Variants in PI4KB observed in about 807,000 individuals in gnomAD.
PI4KB encodes phosphatidylinositol 4-kinase beta.
Under a neutral mutation model 81.4 loss-of-function variants are expected in PI4KB, and 23 were observed. The observed-to-expected ratio is 0.28, with a 90% confidence interval of 0.20 to 0.40. The LOEUF is 0.40. Ranked by LOEUF, PI4KB falls within the 10% of genes least tolerant of loss-of-function variation. The pLI, the probability that PI4KB is intolerant of heterozygous loss-of-function variation, is 1.00. For synonymous variants in PI4KB, 381 were observed against 406.8 expected (o/e 0.94, Z 0.76); for missense variants, 651 against 1,036.6 (o/e 0.63, Z 5.11).
chr1:151,293,478 A>G, intron 11 of PI4KB: 1 of 1,102,188 alleles, frequency 9.1e-7, no homozygotes, highest in South Asian at 1.6e-5. Flanking sequence ...GGGTAGGGGC[A>G]GGAATGGGGA....
intron 1 of PI4KB, among the ~76,000 whole-genome samples, chr1:151,322,558 G>A (rs1341097503): frequency 6.6e-6 from 1 of 151,946 alleles, no homozygotes; most frequent in African/African-American, 2.4e-5. Context: ...TTTTTTCCAT[G>A]GACTAGATAA....
At chr1:151,293,091 G>C in intron 11 of PI4KB, 58 bp from the exon 12 acceptor site, 3 of 1,590,824 alleles carry the variant, frequency 1.9e-6, no homozygotes, top group Non-Finnish European at 2.6e-6. Flanking sequence ...AGTGGTGTCA[G>C]CCATAGCAAA....
In PI4KB at chr1:151,327,379, C is replaced by T. The variant is rs1649815735; in HGVS notation, c.-137G>A. 2 of 398,074 alleles carry T rather than the reference C, an allele frequency of 5.0e-6. No individual in the cohort carries two copies. Among genetic ancestry groups the T allele is most frequent in the Non-Finnish European group, 8.9e-6 (2 of 225,650 alleles). 24.7% of individuals were successfully genotyped at this position (398,074 alleles called of 1,614,324 possible). On this transcript the variant is annotated 5_prime_UTR_variant, in exon 1 of 12. Transcript: ENST00000368873. ...GGGTTCCATTGGCCGCCTGCGCTTC[C>T]CTGACAGCGGCCGCGGAGGCTGCAC...
chr1:151,302,504 G>T (rs778934284), intron 6 of PI4KB, among the ~76,000 whole-genome samples: 1 of 151,628 alleles, frequency 6.6e-6, no homozygotes, highest in Non-Finnish European at 1.5e-5. Context: ...AGATTACCAG[G>T]CCCTCCATAT....
At chr1:151,299,488 CCT>C (rs1695074220) in intron 8 of PI4KB, among the ~76,000 whole-genome samples, 2 of 152,110 alleles carry the variant, frequency 1.3e-5, no homozygotes, top group African/African-American at 4.8e-5. Flanking sequence ...TCAAGACCAG[CCT>C]GGCCAACCTC....
intron 5 of PI4KB, 51 bp from the exon 6 acceptor site, chr1:151,303,701 C>T (rs1695497073): frequency 8.9e-7 from 1 of 1,124,054 alleles, no homozygotes. Context: ...GGTCTCCCGT[C>T]TTTCCCCTCC....
rs748306344 is a variant in PI4KB at position 151,303,654 on chromosome 1, G to A, written c.1411-4C>T. 6 of 1,595,190 alleles carry A rather than the reference G, an allele frequency of 3.8e-6. No homozygotes were observed. The Admixed American group carries it at 6.7e-5, about 18-fold the overall frequency. On this transcript the variant is annotated splice_polypyrimidine_tract_variant and splice_region_variant and intron_variant, in intron 5 of 11. Transcript: ENST00000368873. ...TGTTGGTATGCACTTCGGGGAGCTG[G>A]AGAAAGGGGAGTGCTGGTCAGAAGT...
At chr1:151,297,389 TAAA>T (rs1217389205) in intron 9 of PI4KB, among the ~76,000 whole-genome samples, 86,225 of 146,716 alleles carry the variant, frequency 0.59, 25,990 homozygotes, top group Non-Finnish European at 0.65. Context: ...TTGCCCAGAC[TAAA>T]GTACTGTGGC....
chr1:151,298,097 GA>G (rs1218980509), intron 9 of PI4KB, among the ~76,000 whole-genome samples: 1 of 151,824 alleles, frequency 6.6e-6, no homozygotes, highest in Non-Finnish European at 1.5e-5. Flanking sequence ...ATGTCATATT[GA>G]AAAAAAATGA....
intron 1 of PI4KB, among the ~76,000 whole-genome samples, chr1:151,322,026 C>A (rs1040079496): frequency 1.4e-4 from 22 of 152,064 alleles, no homozygotes; most frequent in African/African-American, 5.3e-4. Flanking sequence ...GGAAGACAAT[C>A]TAAATTTTTA....
intron 5 of PI4KB, 57 bp downstream of exon 5, chr1:151,306,079 G>T: frequency 7.1e-7 from 1 of 1,403,152 alleles, no homozygotes; most frequent in Non-Finnish European, 1.0e-6. Context: ...CCAATATAGT[G>T]AAAGCTCCTG....
rs1310399998 is a variant in PI4KB at position 151,315,717 on chromosome 1, G to A, written c.765C>T (p.Pro255=). The change falls in exon 2 of 12, where the codon CCC becomes CCT. Residue 255 remains proline, a synonymous_variant. Transcript: ENST00000368873. ...CTGTGTCAGGGGCCGGGCTCAAGGA[G>A]GGCAGCTCCCTCTTCCTGTGAGCTG... ...LKPAHRKREL[P]SLSPAPDTGL... The A allele has an allele frequency of 1.2e-6, 2 of 1,614,124 alleles. No homozygotes were observed. Among genetic ancestry groups the A allele is most frequent in the East Asian group, 2.2e-5 (1 of 44,882 alleles).
intron 2 of PI4KB, among the ~76,000 whole-genome samples, chr1:151,312,140 A>C (rs954664288): frequency 2.0e-5 from 3 of 152,216 alleles, no homozygotes; most frequent in African/African-American, 4.8e-5. Flanking sequence ...TGTGGGAGAG[A>C]GTGTAAAGGA....
chr1:151,304,038 C>G (rs901900338), intron 5 of PI4KB, among the ~76,000 whole-genome samples: 1 of 152,208 alleles, frequency 6.6e-6, no homozygotes, highest in East Asian at 1.9e-4. Context: ...GGGATGCGTT[C>G]TCCCCTAGGG....
At position 151,292,326 on chromosome 1, in the gene PI4KB, G is replaced by A. The variant is rs1430786091; in HGVS notation, c.*526C>T. On this transcript the variant is annotated 3_prime_UTR_variant, in exon 12 of 12. Coordinates refer to ENST00000368873, the MANE Select transcript of PI4KB (RefSeq NM_001369623.2). The stretch of plus-strand genomic sequence containing the variant: ...TCAGCAAGTGCAGGGCCCACGCAGC[G>A]CCCGCCAGCAAGGGGAGCTTGGGCC... 2.6e-5 allele frequency: 4 copies of A among 156,238 alleles called. No homozygotes were observed. The highest frequency in any genetic ancestry group is 6.3e-5 in the Admixed American group (1 of 15,814). The allele number at this position is 156,238 out of a possible 1,614,324, so 9.7% of individuals were successfully genotyped here.
chr1:151,310,283 GAA>G, intron 2 of PI4KB, 28 bp from the exon 3 acceptor site: 1 of 939,448 alleles, frequency 1.1e-6, no homozygotes, highest in Non-Finnish European at 1.6e-6. Context: ...GGCAAAGGGA[GAA>G]GGAGGGGGTG....
chr1:151,308,942 T>A (rs1055408715), intron 3 of PI4KB, among the ~76,000 whole-genome samples: 2 of 152,180 alleles, frequency 1.3e-5, no homozygotes, highest in Admixed American at 1.3e-4. Flanking sequence ...CTGGGGAGTA[T>A]CAGGCCTACC....
At chr1:151,325,944 C>A (rs897809626) in intron 1 of PI4KB, among the ~76,000 whole-genome samples, 1 of 152,140 alleles carries the variant, frequency 6.6e-6, no homozygotes, top group Non-Finnish European at 1.5e-5. Context: ...ACCCAGGAGT[C>A]CCGATTCTGA....
At chr1:151,295,244 A>G (rs1694686180) in intron 9 of PI4KB, among the ~76,000 whole-genome samples, 1 of 152,244 alleles carries the variant, frequency 6.6e-6, no homozygotes, top group Non-Finnish European at 1.5e-5. Flanking sequence ...GGCCTGGCCT[A>G]TTCAGCATAA....
Sources: gnomAD v4.1 joint callset for allele counts (sites outside exome capture counted in the v4.1 genomes callset) on GRCh38, gnomAD v4.1.1 for gene constraint, MANE v1.5 for transcripts, NCBI Gene and HGNC (gene_info 2026-07-23, HGNC 2026-07-21) for gene names.